KCNJ1: variants seen among roughly 807,000 people sequenced by gnomAD.
KCNJ1 encodes the protein ATP-sensitive inward rectifier potassium channel 1.
In KCNJ1, 24 loss-of-function variants were observed where a neutral mutation model predicts 21.9. The ratio of observed to expected loss-of-function variants is 1.10; its 90% CI spans 0.79 to 1.54. The LOEUF (loss-of-function observed/expected upper bound fraction) is 1.54, where lower values mean the gene tolerates loss of function less well. Ranked by LOEUF, KCNJ1 falls within the 40% of genes most tolerant of loss-of-function variation. KCNJ1 has a pLI of 0.00. For missense variants in KCNJ1, 457 were observed against 455.4 expected, an observed-to-expected ratio of 1.00 and a Z score of -0.03; for synonymous variants, 152 against 160.9, an observed-to-expected ratio of 0.94 and a Z score of 0.42.
intron 1 of KCNJ1, among the ~76,000 whole-genome samples, chr11:128,857,613 G>C (rs1333954795): frequency 6.6e-6 from 1 of 152,238 alleles, no homozygotes; most frequent in Non-Finnish European, 1.5e-5. Context: ...AAGGCCAGGG[G>C]AGAGAGAAGC....
intron 2 of KCNJ1, among the ~76,000 whole-genome samples, chr11:128,843,265 A>G (rs565696207): frequency 6.6e-6 from 1 of 152,312 alleles, no homozygotes; most frequent in Non-Finnish European, 1.5e-5. Context: ...GCCAATATGT[A>G]TTTTATGAAC....
chr11:128,840,296 A>T (rs1284393618), intron 2 of KCNJ1, 32 bp from the exon 3 acceptor site: 1 of 1,605,090 alleles, frequency 6.2e-7, no homozygotes, highest in South Asian at 1.1e-5. Context: ...ACAAAAAAGG[A>T]TTATGTTTAT....
chr11:128,838,514 T>C lies in KCNJ1; in HGVS notation c.*611A>G, dbSNP rs149036814. 1 of 153,880 alleles carries C rather than the reference T, an allele frequency of 6.5e-6. No individual in the cohort carries two copies. The highest frequency in any genetic ancestry group is 1.4e-5 in the Non-Finnish European group (1 of 69,196). 9.5% of individuals were successfully genotyped at this position (153,880 alleles called of 1,614,324 possible). On this transcript the variant is annotated 3_prime_UTR_variant, in exon 3 of 3. Transcript: ENST00000392666. ...ATCACCACTTTTAACTAAAGCATTC[T>C]GTCTTGCAGGAAGGTATCATCAAGA...
chr11:128,859,807 G>A (rs761510779), intron 1 of KCNJ1, among the ~76,000 whole-genome samples: 5 of 152,226 alleles, frequency 3.3e-5, no homozygotes, highest in Non-Finnish European at 7.3e-5. Flanking sequence ...AGGGAAGTGG[G>A]GGAGCTGGGC....
At chr11:128,862,515 G>A (rs1289518533) in intron 1 of KCNJ1, among the ~76,000 whole-genome samples, 2 of 152,190 alleles carry the variant, frequency 1.3e-5, no homozygotes, top group African/African-American at 2.4e-5. Flanking sequence ...TCCCCCCCGG[G>A]GCTGCCCTAG....
chr11:128,865,302 A>G (rs910570496), intron 1 of KCNJ1, among the ~76,000 whole-genome samples: 3 of 152,040 alleles, frequency 2.0e-5, no homozygotes, highest in Non-Finnish European at 2.9e-5. Flanking sequence ...CTCATCAGGT[A>G]TCTCTCCCAT....
At chr11:128,856,824 T>C (rs1477759267) in intron 1 of KCNJ1, among the ~76,000 whole-genome samples, 1 of 152,118 alleles carries the variant, frequency 6.6e-6, no homozygotes, top group Non-Finnish European at 1.5e-5. Context: ...TCATCTCCTC[T>C]GCTTGCCAGG....
At chr11:128,854,032 C>A (rs367623328) in intron 1 of KCNJ1, among the ~76,000 whole-genome samples, 2 of 151,612 alleles carry the variant, frequency 1.3e-5, no homozygotes, top group Non-Finnish European at 2.9e-5. Context: ...GGCCCGTGGG[C>A]CCTCATACCC....
Position 128,839,367 on chromosome 11 carries a change from T to A in KCNJ1, c.877A>T (p.Thr293Ser), listed in dbSNP as rs370582178. The change falls in exon 3 of 3, where the codon ACA (threonine) becomes TCA (serine). Residue 293 changes from threonine (T) to serine (S), a missense_variant. Thr to Ser is a moderately conservative substitution (Grantham distance 58). Coordinates refer to ENST00000392666, the MANE Select transcript of KCNJ1 (RefSeq NM_153766.3). ...ESTSATCQVR[T>S]SYVPEEVLWG... ...AGCACCTCCTCTGGGACATAGGATG[T>A]CCGGACTTGGCAGGTAGCACTGGTG... 1 of 1,614,078 alleles carries A rather than the reference T, an allele frequency of 6.2e-7. No homozygotes were observed. The highest frequency in any genetic ancestry group is 8.5e-7 in the Non-Finnish European group (1 of 1,180,034).
In KCNJ1 at chr11:128,839,041, C is replaced by T. The variant is rs867148127; in HGVS notation, c.*84G>A. The stretch of plus-strand genomic sequence containing the variant: ...TGAAGGCTCTCATCCTACTTTCGTA[C>T]CCCTAAATTGTTGACTGCTTCATAA... On this transcript the variant is annotated 3_prime_UTR_variant, in exon 3 of 3. Transcript: ENST00000392666. 4.6e-5 allele frequency: 58 copies of T among 1,252,792 alleles called. 1 individual carries two copies. In the Middle Eastern group the frequency reaches 2.3e-3, roughly 50 times the overall value. 77.6% of individuals were successfully genotyped at this position (1,252,792 alleles called of 1,614,324 possible). A position where few individuals can be genotyped will look rare whatever the true frequency, so the allele number is the denominator to read the frequency against.
intron 1 of KCNJ1, among the ~76,000 whole-genome samples, chr11:128,851,579 C>T (rs1943477961): frequency 6.6e-6 from 1 of 152,132 alleles, no homozygotes; most frequent in Non-Finnish European, 1.5e-5. Flanking sequence ...AAAGTTGTAG[C>T]TATTATGTGT....
chr11:128,859,564 A>G lies in KCNJ1; in HGVS notation c.-192+7609T>C, dbSNP rs531619162. Among the ~76,000 whole-genome samples, 5 of 152,352 alleles carry G rather than the reference A, an allele frequency of 3.3e-5. No individual in the cohort carries two copies. The South Asian group carries it at 8.3e-4, about 25-fold the overall frequency. On this transcript the variant is annotated intron_variant, in intron 1 of 2. Coordinates refer to ENST00000392666, the MANE Select transcript of KCNJ1 (RefSeq NM_153766.3). ...GCTCCCGGACAGAACCCAGATCTTA[A>G]CCTGATGTCTCCACGCCAAGTTCCC... is the stretch of plus-strand genomic sequence containing the variant.
intron 1 of KCNJ1, among the ~76,000 whole-genome samples, chr11:128,858,537 A>C (rs1348526259): frequency 6.6e-6 from 1 of 152,250 alleles, no homozygotes; most frequent in East Asian, 1.9e-4. Flanking sequence ...GACAAGATGT[A>C]TAAAAGAGAC....
intron 1 of KCNJ1, among the ~76,000 whole-genome samples, chr11:128,856,744 C>A (rs140836425): frequency 3.3e-5 from 5 of 152,128 alleles, no homozygotes; most frequent in African/African-American, 1.2e-4. Context: ...TCACCTCACA[C>A]GCAATCCATC....
At chr11:128,864,074 C>CTTTTTTT (rs71472076) in intron 1 of KCNJ1, among the ~76,000 whole-genome samples, 4 of 86,682 alleles carry the variant, frequency 4.6e-5, no homozygotes, top group African/African-American at 4.8e-5. Context: ...CTTTTTCTCT[C>CTTTTTTT]TTTTTTTTTT....
chr11:128,839,018 A>C lies in KCNJ1; in HGVS notation c.*107T>G. 2.1e-6 allele frequency: 2 copies of C among 967,964 alleles called. No homozygotes were observed. Among genetic ancestry groups the C allele is most frequent in the Non-Finnish European group, 3.2e-6 (2 of 625,856 alleles). The allele number at this position is 967,964 out of a possible 1,614,324, so 60.0% of individuals were successfully genotyped here. Reference sequence around the variant, plus strand: ...GGGGTCTTTGTGCTGGTAGACTTTGAAGGCTCTCATCCTACTTTCGTACCC... The same window carrying C: ...GGGGTCTTTGTGCTGGTAGACTTTGCAGGCTCTCATCCTACTTTCGTACCC... On this transcript the variant is annotated 3_prime_UTR_variant, in exon 3 of 3. Coordinates refer to ENST00000392666, the MANE Select transcript of KCNJ1 (RefSeq NM_153766.3).
chr11:128,852,877 G>T (rs1253154642), intron 1 of KCNJ1, among the ~76,000 whole-genome samples: 1 of 152,386 alleles, frequency 6.6e-6, no homozygotes, highest in Non-Finnish European at 1.5e-5. Context: ...CCATGCCAAG[G>T]CAGGCAAGCT....
chr11:128,849,690 A>C (rs897336124), intron 2 of KCNJ1, among the ~76,000 whole-genome samples: 11 of 152,200 alleles, frequency 7.2e-5, no homozygotes, highest in Non-Finnish European at 1.5e-4. Context: ...AGCTGAAGAT[A>C]CACTGTCCAG....
At chr11:128,857,865 A>C (rs937459656) in intron 1 of KCNJ1, among the ~76,000 whole-genome samples, 56 of 152,210 alleles carry the variant, frequency 3.7e-4, no homozygotes, top group Admixed American at 1.7e-3. Context: ...CATAGATCTC[A>C]TGTATTTTGA....
Sources: gnomAD v4.1 joint callset for allele counts (sites outside exome capture counted in the v4.1 genomes callset) on GRCh38, gnomAD v4.1.1 for gene constraint, MANE v1.5 for transcripts, NCBI Gene and HGNC (gene_info 2026-07-23, HGNC 2026-07-21) for gene names.